SEC31A: variants seen among roughly 807,000 people sequenced by gnomAD.
SEC31A encodes the protein SEC31 homolog A, COPII component.
Under a neutral mutation model 151.0 loss-of-function variants are expected in SEC31A, and 70 were observed. The observed-to-expected ratio is 0.46, with a 90% CI of 0.38 to 0.57. The LOEUF (loss-of-function observed/expected upper bound fraction) is 0.57, where lower values mean the gene tolerates loss of function less well. Ranked by LOEUF, SEC31A falls within the 20% of genes least tolerant of loss-of-function variation. The pLI is 0.00. For missense variants in SEC31A, 1,330 were observed against 1,471.2 expected, an observed-to-expected ratio of 0.90 and a Z score of 1.57; for synonymous variants, 475 against 505.9, an observed-to-expected ratio of 0.94 and a Z score of 0.82.
At chr4:82,898,680 C>T (rs1177849581) in intron 3 of SEC31A, among the ~76,000 whole-genome samples, 3 of 152,220 alleles carry the variant, frequency 2.0e-5, no homozygotes, top group African/African-American at 7.2e-5. Context: ...TATCTGCAAA[C>T]TTTTGAGTCC....
At chr4:82,884,896 A>T (rs948662843) in intron 1 of SEC31A, among the ~76,000 whole-genome samples, 2 of 152,216 alleles carry the variant, frequency 1.3e-5, no homozygotes, top group East Asian at 3.9e-4. Context: ...CCTTGGACCG[A>T]AACAGTGAAT....
intron 8 of SEC31A, 24 bp downstream of exon 8, chr4:82,870,301 T>G: frequency 2.5e-6 from 4 of 1,572,886 alleles, no homozygotes; most frequent in Non-Finnish European, 3.5e-6. Context: ...GGCTACAAGG[T>G]TGAGACACAT....
chr4:82,866,679 G>T, intron 10 of SEC31A, 129 bp downstream of exon 10: 2 of 792,164 alleles, frequency 2.5e-6, no homozygotes, highest in Non-Finnish European at 3.8e-6. Context: ...TTTGAATGAT[G>T]AAATACCCAC....
chr4:82,867,419 TA>T, intron 8 of SEC31A, 103 bp from the exon 9 acceptor site: 2 of 904,596 alleles, frequency 2.2e-6, no homozygotes, highest in East Asian at 2.6e-5. Context: ...TTAAATTGAA[TA>T]TTTTTTTGTA....
chr4:82,896,575 C>T (rs1236091855), intron 3 of SEC31A, among the ~76,000 whole-genome samples: 4 of 152,040 alleles, frequency 2.6e-5, no homozygotes, highest in African/African-American at 7.2e-5. Flanking sequence ...CTGGGCAACA[C>T]GGCAAAACCC....
At chr4:82,875,917 T>C in intron 4 of SEC31A, 95 bp from the exon 5 acceptor site, 2 of 557,406 alleles carry the variant, frequency 3.6e-6, no homozygotes, top group East Asian at 3.3e-5. Flanking sequence ...AGATGTAGCA[T>C]ACACAATTTT....
intron 17 of SEC31A, 140 bp from the exon 18 acceptor site, chr4:82,853,855 A>T (rs1164476766): frequency 1.8e-6 from 1 of 559,424 alleles, no homozygotes; most frequent in Non-Finnish European, 3.0e-6. Flanking sequence ...AATCACTCTA[A>T]ATGCTCAGTA....
At position 82,820,998 on chromosome 4, in the gene SEC31A, A is replaced by G; in HGVS notation, c.3483+39T>C. 1.9e-6 allele frequency: 3 copies of G among 1,543,218 alleles called. No homozygotes were observed. In the South Asian group the frequency reaches 3.4e-5, roughly 17 times the overall value. On this transcript the variant is annotated intron_variant, in intron 26 of 26. Coordinates refer to ENST00000395310, the MANE Select transcript of SEC31A (RefSeq NM_001077207.4). ...ACAACTGTTTTACTAGCAACTAGGA[A>G]TAAATGATTATCATAAATCCTTTTC... is the stretch of plus-strand genomic sequence containing the variant.
intron 21 of SEC31A, among the ~76,000 whole-genome samples, chr4:82,843,413 G>T (rs906742980): frequency 2.6e-5 from 4 of 152,090 alleles, no homozygotes; most frequent in Non-Finnish European, 4.4e-5. Context: ...TGCTGGGATT[G>T]CAGGCATGAA....
intron 19 of SEC31A, among the ~76,000 whole-genome samples, chr4:82,849,348 T>C (rs1329131433): frequency 6.6e-6 from 1 of 151,900 alleles, no homozygotes; most frequent in Non-Finnish European, 1.5e-5. Flanking sequence ...GGCGCAGAGG[T>C]TCACGCCTGC....
At position 82,875,718 on chromosome 4, in the gene SEC31A, TA is replaced by T; in HGVS notation, c.498+8del. 1.3e-6 allele frequency: 2 copies of T among 1,530,510 alleles called. No homozygotes were observed. Among genetic ancestry groups the T allele is most frequent in the South Asian group, 1.2e-5 (1 of 85,882 alleles). 94.8% of individuals were successfully genotyped at this position (1,530,510 alleles called of 1,614,324 possible). A position where few individuals can be genotyped will look rare whatever the true frequency, so the allele number is the denominator to read the frequency against. Reference sequence around the variant, plus strand: ...TTGATTACAATGATCAAAATCAATATAAAAATACCTGTGTTTTGGCTCCTGG... The same window carrying T: ...TTGATTACAATGATCAAAATCAATATAAAATACCTGTGTTTTGGCTCCTGG... On this transcript the variant is annotated splice_region_variant and intron_variant, in intron 5 of 26. Coordinates refer to ENST00000395310, the MANE Select transcript of SEC31A (RefSeq NM_001077207.4).
chr4:82,828,060 G>A (rs62311852), intron 23 of SEC31A, among the ~76,000 whole-genome samples: 2,340 of 152,158 alleles, frequency 0.015, 39 homozygotes, highest in Non-Finnish European at 0.021. Context: ...GATTACAGGC[G>A]CGTGCCACCA....
chr4:82,827,661 AG>A lies in SEC31A; in HGVS notation c.3028-30del, dbSNP rs765455590. 14 of 1,602,724 alleles carry A rather than the reference AG, an allele frequency of 8.7e-6. No individual in the cohort carries two copies. The African/African-American group carries it at 1.9e-4, about 21-fold the overall frequency. On this transcript the variant is annotated intron_variant, in intron 23 of 26. Transcript: ENST00000395310. The stretch of plus-strand genomic sequence containing the variant: ...TTAAAAGATGGAAATAAAAGACACC[AG>A]GAGTAAGAATAAAAACGATAGCAAC...
intron 21 of SEC31A, 190 bp from the exon 22 acceptor site, chr4:82,842,671 T>C: frequency 1.9e-6 from 1 of 531,036 alleles, no homozygotes; most frequent in Non-Finnish European, 3.3e-6. Flanking sequence ...TTCAATAGCT[T>C]CAGTATTTGA....
At chr4:82,896,375 G>T (rs1451398067) in intron 3 of SEC31A, among the ~76,000 whole-genome samples, 1 of 152,104 alleles carries the variant, frequency 6.6e-6, no homozygotes, top group Non-Finnish European at 1.5e-5. Flanking sequence ...GTGCCACCAT[G>T]CCCGGCTAAT....
intron 6 of SEC31A, 76 bp from the exon 7 acceptor site, chr4:82,872,162 T>A: frequency 9.6e-7 from 1 of 1,041,886 alleles, no homozygotes; most frequent in Non-Finnish European, 1.5e-6. Context: ...GAAATATACC[T>A]TTATTGAAAC....
At chr4:82,842,812 C>G (rs1729218663) in intron 21 of SEC31A, 2 of 215,668 alleles carry the variant, frequency 9.3e-6, no homozygotes, top group African/African-American at 4.6e-5. Context: ...CCAGATGGAA[C>G]CAGGGAGGAA....
chr4:82,827,750 A>G, intron 23 of SEC31A, 118 bp from the exon 24 acceptor site: 1 of 914,356 alleles, frequency 1.1e-6, no homozygotes, highest in South Asian at 1.7e-5. Flanking sequence ...TTTTAATAGT[A>G]GTAGAATACT....
intron 1 of SEC31A, among the ~76,000 whole-genome samples, chr4:82,883,828 CAAA>C (rs941226879): frequency 8.1e-6 from 1 of 124,152 alleles, no homozygotes. Context: ...GACCATGACT[CAAA>C]AAAAAAAAAG....
Sources: gnomAD v4.1 joint callset for allele counts (sites outside exome capture counted in the v4.1 genomes callset) on GRCh38, gnomAD v4.1.1 for gene constraint, MANE v1.5 for transcripts, NCBI Gene and HGNC (gene_info 2026-07-23, HGNC 2026-07-21) for gene names.